The following MTCL2 variants were observed in gnomAD, a reference collection of about 807,000 sequenced individuals.
MTCL2 encodes microtubule crosslinking factor 2.
the MTCL2 span, among the ~76,000 whole-genome samples, chr20:36,848,143 CT>C: frequency 6.6e-6 from 1 of 152,160 alleles, no homozygotes; most frequent in South Asian, 2.1e-4. Context: ...AGTGAGACCC[CT>C]GTCTCTAAAT....
chr20:36,784,222 CT>C, the MTCL2 span: 5 of 986,314 alleles, frequency 5.1e-6, no homozygotes, highest in South Asian at 9.4e-5. Context: ...GAGGGCCCCC[CT>C]GACCTCATGG....
chr20:36,786,145 C>G, the MTCL2 span: 4 of 1,008,168 alleles, frequency 4.0e-6, no homozygotes, highest in Non-Finnish European at 4.7e-6. Context: ...TGGGCTCTTC[C>G]AAGAGGGTGG....
the MTCL2 span, chr20:36,803,066 C>T: frequency 3.1e-6 from 5 of 1,608,938 alleles, no homozygotes; most frequent in African/African-American, 6.7e-5. Context: ...TCCAGTCGGG[C>T]CCTGCCCGCT....
chr20:36,804,656 G>T, the MTCL2 span: 1 of 1,550,034 alleles, frequency 6.5e-7, no homozygotes. Context: ...GCATGGCCTT[G>T]GTATTCTACT....
chr20:36,798,657 C>T, the MTCL2 span, among the ~76,000 whole-genome samples: 17 of 152,300 alleles, frequency 1.1e-4, no homozygotes, highest in East Asian at 3.3e-3. Flanking sequence ...TAAGGTGGAC[C>T]AAACTGTGGG....
the MTCL2 span, chr20:36,862,561 T>C: frequency 1.7e-6 from 2 of 1,192,530 alleles, no homozygotes; most frequent in Non-Finnish European, 2.2e-6. Flanking sequence ...TTCTCCGGAT[T>C]GTTCAGTGGG....
chr20:36,835,310 G>C, the MTCL2 span, among the ~76,000 whole-genome samples: 7 of 150,312 alleles, frequency 4.7e-5, no homozygotes, highest in South Asian at 1.3e-3. Context: ...CTGGGGGTTG[G>C]GGGGGGGCAC....
the MTCL2 span, among the ~76,000 whole-genome samples, chr20:36,860,645 C>T: frequency 2.0e-5 from 3 of 152,214 alleles, no homozygotes; most frequent in African/African-American, 7.2e-5. Flanking sequence ...AGGTTTACTA[C>T]ATACCAGGTG....
At chr20:36,837,990 G>A in the MTCL2 span, among the ~76,000 whole-genome samples, 24 of 151,914 alleles carry the variant, frequency 1.6e-4, no homozygotes, top group African/African-American at 5.8e-4. Context: ...TAAAGTTCAG[G>A]TATATTGGAG....
the MTCL2 span, among the ~76,000 whole-genome samples, chr20:36,797,895 G>C: frequency 6.6e-6 from 1 of 152,138 alleles, no homozygotes; most frequent in African/African-American, 2.4e-5. Context: ...TCCCATCAGA[G>C]TGGCAAATGT....
the MTCL2 span, among the ~76,000 whole-genome samples, chr20:36,859,232 C>T: frequency 1.3e-5 from 2 of 152,248 alleles, no homozygotes; most frequent in African/African-American, 4.8e-5. Context: ...CATCCACACC[C>T]AGTGGGTTCC....
At chr20:36,795,759 G>C in the MTCL2 span, among the ~76,000 whole-genome samples, 1 of 151,658 alleles carries the variant, frequency 6.6e-6, no homozygotes, top group Non-Finnish European at 1.5e-5. Context: ...CTGGGAGACA[G>C]AGCAAAACTC....
the MTCL2 span, among the ~76,000 whole-genome samples, chr20:36,819,610 CAAA>C: frequency 1.4e-4 from 18 of 126,094 alleles, no homozygotes; most frequent in African/African-American, 1.2e-4. Flanking sequence ...CAGAATTACT[CAAA>C]AAAAAAAAAA....
At chr20:36,857,069 C>T in the MTCL2 span, among the ~76,000 whole-genome samples, 1 of 152,124 alleles carries the variant, frequency 6.6e-6, no homozygotes, top group Non-Finnish European at 1.5e-5. Context: ...AGGGGAGGTA[C>T]CCGGGTGGTG....
At chr20:36,787,885 GAAAAAAAAAA>G in the MTCL2 span, among the ~76,000 whole-genome samples, 2 of 54,538 alleles carry the variant, frequency 3.7e-5, no homozygotes, top group African/African-American at 7.4e-5. Context: ...GACTCCATCT[GAAAAAAAAAA>G]AAAAAAAAAA....
the MTCL2 span, chr20:36,796,801 G>C: frequency 7.2e-7 from 1 of 1,380,156 alleles, no homozygotes; most frequent in African/African-American, 1.4e-5. Context: ...TAGAGTGGGT[G>C]CAGGGCGCAG....
At chr20:36,811,480 T>G in the MTCL2 span, among the ~76,000 whole-genome samples, 1 of 151,738 alleles carries the variant, frequency 6.6e-6, no homozygotes, top group African/African-American at 2.4e-5. Context: ...AATACGAAAA[T>G]TAGCTGGGCA....
the MTCL2 span, among the ~76,000 whole-genome samples, chr20:36,825,131 T>C: frequency 1.3e-5 from 2 of 151,842 alleles, no homozygotes; most frequent in Non-Finnish European, 2.9e-5. Context: ...GTAGTAGAAG[T>C]GGGGTTTCAC....
chr20:36,812,831 C>G, the MTCL2 span: 10 of 1,612,224 alleles, frequency 6.2e-6, no homozygotes, highest in Non-Finnish European at 8.5e-6. Context: ...CGGCAGGTCC[C>G]TGAAGTCAGG....
Sources: gnomAD v4.1 joint callset for allele counts (sites outside exome capture counted in the v4.1 genomes callset) on GRCh38, gnomAD v4.1.1 for gene constraint, MANE v1.5 for transcripts, NCBI Gene and HGNC (gene_info 2026-07-23, HGNC 2026-07-21) for gene names.